The following FAM13A variants were observed in gnomAD, a reference collection of about 807,000 sequenced individuals.
The protein encoded by FAM13A is protein FAM13A.
FAM13A carries 76 observed loss-of-function variants against 129.6 expected under a neutral mutation model. That is an observed-to-expected ratio of 0.59 (90% CI 0.49 to 0.71). FAM13A has a LOEUF of 0.71. FAM13A is among the 30% of genes least tolerant of loss of function. FAM13A has a pLI of 0.00. For missense variants in FAM13A, 1,108 were observed against 1,249.3 expected (o/e 0.89, Z 1.70); for synonymous variants, 443 against 449.9 (o/e 0.98, Z 0.20).
intron 1 of FAM13A, among the ~76,000 whole-genome samples, chr4:89,046,847 T>A (rs571970393): frequency 6.6e-6 from 1 of 151,438 alleles, no homozygotes; most frequent in East Asian, 1.9e-4. Flanking sequence ...TGAGGCCCTA[T>A]CTCGAAAAGA....
At chr4:89,027,248 T>C (rs980687376) in intron 2 of FAM13A, among the ~76,000 whole-genome samples, 3 of 152,148 alleles carry the variant, frequency 2.0e-5, no homozygotes, top group Middle Eastern at 3.2e-3. Context: ...ATGGCTCACA[T>C]CTATAATCGA....
At chr4:88,838,511 G>A (rs1345380584) in intron 7 of FAM13A, among the ~76,000 whole-genome samples, 1 of 152,046 alleles carries the variant, frequency 6.6e-6, no homozygotes, top group Non-Finnish European at 1.5e-5. Context: ...GCCGAGGCGG[G>A]CGGATCACGA....
intron 7 of FAM13A, among the ~76,000 whole-genome samples, chr4:88,840,599 G>A (rs1735651496): frequency 6.6e-6 from 1 of 151,884 alleles, no homozygotes; most frequent in South Asian, 2.1e-4. Context: ...ACTGTAATGG[G>A]AGAGAAGGCA....
At chr4:88,863,580 T>G (rs1739880947) in intron 6 of FAM13A, among the ~76,000 whole-genome samples, 1 of 152,210 alleles carries the variant, frequency 6.6e-6, no homozygotes. Context: ...AGTCACAACC[T>G]GGGACTTACA....
At chr4:89,013,721 T>C (rs1015371791) in intron 3 of FAM13A, among the ~76,000 whole-genome samples, 2 of 152,232 alleles carry the variant, frequency 1.3e-5, no homozygotes, top group African/African-American at 4.8e-5. Flanking sequence ...TTAGATTCGG[T>C]ACATAATACT....
chr4:88,909,923 T>C (rs1748796141), intron 5 of FAM13A, among the ~76,000 whole-genome samples: 1 of 152,218 alleles, frequency 6.6e-6, no homozygotes, highest in South Asian at 2.1e-4. Flanking sequence ...TATATCTAAA[T>C]TTTTTACAAA....
intron 7 of FAM13A, among the ~76,000 whole-genome samples, chr4:88,849,894 T>A (rs948922723): frequency 6.6e-6 from 1 of 152,212 alleles, no homozygotes; most frequent in Non-Finnish European, 1.5e-5. Context: ...AATTCCAGTT[T>A]ACAATTTCCA....
rs553281935 is a variant in FAM13A, at chr4:88,746,489, G to T, written c.2466+443C>A. Among the ~76,000 whole-genome samples the T allele has an allele frequency of 4.6e-5, 7 of 152,342 alleles. No individual in the cohort carries two copies. The South Asian group carries it at 1.5e-3, about 32-fold the overall frequency. On this transcript the variant is annotated intron_variant, in intron 19 of 23. Coordinates refer to ENST00000264344, the MANE Select transcript of FAM13A (RefSeq NM_014883.4). ...CACTAGTTGCACTGCATTGCAGAGA[G>T]ATTGAATTCTAAGGCAGATCATTCT...
intron 11 of FAM13A, among the ~76,000 whole-genome samples, chr4:88,778,275 C>T (rs1722158578): frequency 6.6e-6 from 1 of 152,122 alleles, no homozygotes; most frequent in Non-Finnish European, 1.5e-5. Flanking sequence ...GATATGACTC[C>T]CAAAACGTCT....
chr4:89,022,709 T>A (rs974258029), intron 2 of FAM13A, among the ~76,000 whole-genome samples: 1 of 152,178 alleles, frequency 6.6e-6, no homozygotes, highest in South Asian at 2.1e-4. Context: ...ATTTTAAGAT[T>A]AAGTTATAAA....
intron 10 of FAM13A, among the ~76,000 whole-genome samples, chr4:88,782,319 C>T (rs1723110108): frequency 1.3e-5 from 2 of 151,648 alleles, no homozygotes; most frequent in Admixed American, 6.6e-5. Flanking sequence ...GAAACAATAT[C>T]ATGGAACAAA....
chr4:88,887,230 A>G (rs998759982), intron 6 of FAM13A, among the ~76,000 whole-genome samples: 1 of 152,292 alleles, frequency 6.6e-6, no homozygotes, highest in East Asian at 1.9e-4. Flanking sequence ...AGAAATCACC[A>G]CTAAAGAACT....
intron 3 of FAM13A, among the ~76,000 whole-genome samples, chr4:89,016,201 A>AT (rs77186046): frequency 4.6e-5 from 4 of 86,178 alleles, no homozygotes; most frequent in African/African-American, 1.3e-4. Context: ...AAAAAAAAAA[A>AT]CACAATTTTA....
intron 4 of FAM13A, among the ~76,000 whole-genome samples, chr4:88,968,774 C>T (rs569519585): frequency 2.0e-5 from 3 of 152,086 alleles, no homozygotes; most frequent in East Asian, 3.9e-4. Context: ...TAAATCATTG[C>T]CTGAATTTTT....
chr4:88,917,215 G>A (rs1383487420), intron 5 of FAM13A, among the ~76,000 whole-genome samples: 1 of 152,212 alleles, frequency 6.6e-6, no homozygotes, highest in African/African-American at 2.4e-5. Context: ...ATCTGCATAT[G>A]GTGAGTGCCT....
At chr4:88,760,603 CAAAAAAAAAAA>C (rs745711965) in intron 13 of FAM13A, among the ~76,000 whole-genome samples, 2 of 65,818 alleles carry the variant, frequency 3.0e-5, no homozygotes, top group African/African-American at 2.0e-4. Flanking sequence ...GACTCCGTCT[CAAAAAAAAAAA>C]AAAAAAAAAA....
At chr4:88,977,655 G>A (rs1042621760) in intron 4 of FAM13A, among the ~76,000 whole-genome samples, 13 of 152,094 alleles carry the variant, frequency 8.5e-5, no homozygotes, top group Admixed American at 4.6e-4. Flanking sequence ...ATTAGCTTGC[G>A]GAGTAATCAT....
chr4:88,891,461 T>C (rs754378725), intron 6 of FAM13A, among the ~76,000 whole-genome samples: 4 of 152,042 alleles, frequency 2.6e-5, no homozygotes, highest in African/African-American at 4.8e-5. Context: ...AGAGGGACTC[T>C]CTCCAATTCA....
At chr4:88,758,006 C>T (rs915733986) in intron 14 of FAM13A, among the ~76,000 whole-genome samples, 4 of 152,132 alleles carry the variant, frequency 2.6e-5, no homozygotes, top group Non-Finnish European at 4.4e-5. Context: ...GGTAGACTGG[C>T]ATTTATTTTG....
Sources: allele counts gnomAD v4.1 joint callset (sites outside exome capture counted in the v4.1 genomes callset), GRCh38; gene constraint gnomAD v4.1.1; transcripts MANE v1.5; gene names NCBI Gene and HGNC (gene_info 2026-07-23, HGNC 2026-07-21).